The following SCAPER variants were observed in gnomAD, a reference collection of about 807,000 sequenced individuals.
SCAPER encodes the protein S-phase cyclin A associated protein in the ER.
In SCAPER, 98 loss-of-function variants were observed where a neutral mutation model predicts 182.2. That is an observed-to-expected ratio of 0.54 (90% CI 0.46 to 0.64). The LOEUF (loss-of-function observed/expected upper bound fraction) is 0.64, where lower values mean the gene tolerates loss of function less well. Ranked by LOEUF, SCAPER falls within the 30% of genes least tolerant of loss-of-function variation. SCAPER has a pLI of 0.00. For synonymous variants in SCAPER, 605 were observed against 564.6 expected (o/e 1.07, Z -1.01); for missense variants, 1,432 against 1,690.0 (o/e 0.85, Z 2.68).
At chr15:76,790,324 A>ACATGGT (rs774573815) in intron 8 of SCAPER, among the ~76,000 whole-genome samples, 118 of 152,324 alleles carry the variant, frequency 7.7e-4, no homozygotes, top group Non-Finnish European at 1.4e-3. Flanking sequence ...CAACATTAAA[A>ACATGGT]CATGGTCCTC....
At chr15:76,486,514 A>T (rs986003480) in intron 24 of SCAPER, among the ~76,000 whole-genome samples, 15 of 37,958 alleles carry the variant, frequency 4.0e-4, no homozygotes, top group African/African-American at 1.0e-3. Context: ...AATTTATAAT[A>T]AAAAAAAAAC....
intron 9 of SCAPER, 145 bp downstream of exon 9, chr15:76,774,710 T>C (rs2063647108): frequency 1.3e-6 from 1 of 766,742 alleles, no homozygotes; most frequent in Non-Finnish European, 2.0e-6. Context: ...TTCGTTGTTC[T>C]ATTCTTGCCA....
At chr15:76,790,534 T>C (rs1288993626) in intron 8 of SCAPER, among the ~76,000 whole-genome samples, 2 of 152,176 alleles carry the variant, frequency 1.3e-5, no homozygotes, top group East Asian at 3.8e-4. Flanking sequence ...TTAACTTGTG[T>C]TTTTCAAGGA....
intron 17 of SCAPER, among the ~76,000 whole-genome samples, chr15:76,723,534 TAA>T (rs1345045686): frequency 1.3e-5 from 2 of 152,206 alleles, no homozygotes; most frequent in African/African-American, 4.8e-5. Context: ...AGTGGGGTGT[TAA>T]AGTCTCCCAT....
chr15:76,613,734 C>G (rs2051203216), intron 22 of SCAPER, among the ~76,000 whole-genome samples: 2 of 152,062 alleles, frequency 1.3e-5, no homozygotes, highest in Admixed American at 1.3e-4. Flanking sequence ...GTTAAAATGG[C>G]TACGATTTAA....
intron 23 of SCAPER, among the ~76,000 whole-genome samples, chr15:76,539,159 A>G (rs540415491): frequency 8.5e-5 from 13 of 152,354 alleles, no homozygotes; most frequent in Admixed American, 2.0e-4. Flanking sequence ...CAAGCAAATT[A>G]GCTGTAGAAA....
chr15:76,383,910 T>C (rs751223869), intron 27 of SCAPER, among the ~76,000 whole-genome samples: 4 of 152,250 alleles, frequency 2.6e-5, no homozygotes, highest in Non-Finnish European at 5.9e-5. Flanking sequence ...GAGATATTTT[T>C]GTCTCATAGT....
At chr15:76,875,527 C>A (rs925459371) in intron 2 of SCAPER, among the ~76,000 whole-genome samples, 1 of 152,172 alleles carries the variant, frequency 6.6e-6, no homozygotes, top group Non-Finnish European at 1.5e-5. Context: ...CCTGTAATTC[C>A]AGCTACTCAG....
At chr15:76,507,214 G>A (rs2041661480) in intron 23 of SCAPER, among the ~76,000 whole-genome samples, 1 of 152,104 alleles carries the variant, frequency 6.6e-6, no homozygotes, top group African/African-American at 2.4e-5. Flanking sequence ...TCTTATAAGA[G>A]GAGAAAGAGA....
chr15:76,552,487 T>G (rs924597021), intron 23 of SCAPER, among the ~76,000 whole-genome samples: 1 of 151,882 alleles, frequency 6.6e-6, no homozygotes, highest in Non-Finnish European at 1.5e-5. Flanking sequence ...GCAGGGTTGG[T>G]CAAACACCGG....
In SCAPER at chr15:76,354,376, T is replaced by G. The variant is rs1201534920; in HGVS notation, c.3856-236A>C. The G allele has an allele frequency of 2.3e-6, 1 of 433,810 alleles. No homozygotes were observed. The highest frequency in any genetic ancestry group is 4.0e-6 in the Non-Finnish European group (1 of 249,158). The allele number at this position is 433,810 out of a possible 1,614,324, so 26.9% of individuals were successfully genotyped here. ...AGTTTTGCACTCATTTAAAAGTTAT[T>G]ATAATCCACGATTAAAGGTGTAGCT... On this transcript the variant is annotated intron_variant, in intron 29 of 31. Transcript: ENST00000563290. This position sits in a 1 kb window ranked among gnomAD's most constrained non-coding sequence, Gnocchi z 4.4.
chr15:76,615,398 A>G (rs1423791075), intron 22 of SCAPER, among the ~76,000 whole-genome samples: 1 of 151,696 alleles, frequency 6.6e-6, no homozygotes, highest in Non-Finnish European at 1.5e-5. Context: ...GTGAGCTGAG[A>G]TCGCGCCACT....
At chr15:76,661,512 G>C (rs2146700360) in intron 21 of SCAPER, among the ~76,000 whole-genome samples, 1 of 152,040 alleles carries the variant, frequency 6.6e-6, no homozygotes, top group South Asian at 2.1e-4. Context: ...TCAAAAAGTG[G>C]GCCAAGGACA....
intron 22 of SCAPER, among the ~76,000 whole-genome samples, chr15:76,609,300 A>G (rs879362408): frequency 1.3e-5 from 2 of 151,368 alleles, no homozygotes; most frequent in Non-Finnish European, 2.9e-5. Context: ...CAGCCTGGGC[A>G]ACAATACAGT....
intron 24 of SCAPER, among the ~76,000 whole-genome samples, chr15:76,494,169 G>GT (rs1179527354): frequency 2.6e-5 from 4 of 152,150 alleles, no homozygotes; most frequent in Non-Finnish European, 5.9e-5. Flanking sequence ...GTCTTCATCT[G>GT]TTACTTATAA....
intron 22 of SCAPER, among the ~76,000 whole-genome samples, chr15:76,578,390 G>A (rs568933241): frequency 4.6e-5 from 7 of 152,330 alleles, no homozygotes; most frequent in Non-Finnish European, 1.0e-4. Context: ...GTTACTGTGC[G>A]CCTTGGGCGA....
intron 27 of SCAPER, among the ~76,000 whole-genome samples, chr15:76,390,183 T>C (rs1386325294): frequency 6.6e-6 from 1 of 152,158 alleles, no homozygotes; most frequent in Non-Finnish European, 1.5e-5. Context: ...CTCAAACTCC[T>C]AGCCTCAAGT....
At chr15:76,550,107 T>C (rs576201115) in intron 23 of SCAPER, among the ~76,000 whole-genome samples, 2 of 152,064 alleles carry the variant, frequency 1.3e-5, no homozygotes, top group African/African-American at 4.8e-5. Context: ...AACCCAACAG[T>C]AAAAAACAAA....
intron 21 of SCAPER, among the ~76,000 whole-genome samples, chr15:76,639,084 C>A (rs1243386675): frequency 6.6e-6 from 1 of 152,122 alleles, no homozygotes; most frequent in East Asian, 1.9e-4. Flanking sequence ...AAACAGGGTT[C>A]TTTTGCCAGA....
Sources: gnomAD v4.1 joint callset for allele counts (sites outside exome capture counted in the v4.1 genomes callset) on GRCh38, gnomAD v4.1.1 for gene constraint, Gnocchi (gnomAD v3.1) non-coding constraint, MANE v1.5 for transcripts, NCBI Gene and HGNC (gene_info 2026-07-23, HGNC 2026-07-21) for gene names.